Variants in IGFBP2 observed in about 807,000 individuals in gnomAD.
IGFBP2 encodes insulin like growth factor binding protein 2, also known as insulin-like growth factor-binding protein 2.
A neutral mutation model predicts 26.2 loss-of-function variants in IGFBP2; 12 were observed. The ratio of observed to expected loss-of-function variants is 0.46; its 90% CI spans 0.29 to 0.74. The LOEUF (loss-of-function observed/expected upper bound fraction) is 0.74. IGFBP2 is among the 30% of genes least tolerant of loss of function. The probability of loss-of-function intolerance (pLI) is 0.09; values close to 1 mark genes in which losing one functional copy is unlikely to be tolerated. For synonymous variants in IGFBP2, 189 were observed against 200.6 expected (o/e 0.94, Z 0.49); for missense variants, 328 against 441.2 (o/e 0.74, Z 2.30).
intron 3 of IGFBP2, chr2:216,663,079 T>A (rs1483123332): frequency 1.3e-5 from 2 of 152,308 alleles, no homozygotes; most frequent in Non-Finnish European, 2.9e-5. Flanking sequence ...AACAGGGCTC[T>A]GCTGATGGCT....
intron 1 of IGFBP2, chr2:216,659,648 C>T: frequency 7.8e-7 from 1 of 1,289,796 alleles, no homozygotes; most frequent in South Asian, 1.3e-5. Flanking sequence ...GTTTTCAAGG[C>T]CTCCTTCACC....
At chr2:216,645,071 A>G (rs1697684810) in intron 1 of IGFBP2, among the ~76,000 whole-genome samples, 1 of 152,220 alleles carries the variant, frequency 6.6e-6, no homozygotes. Context: ...GGAGGTGCCA[A>G]GTTGCCTCTG....
chr2:216,635,570 AT>A (rs1396129003), intron 1 of IGFBP2, among the ~76,000 whole-genome samples: 1 of 151,478 alleles, frequency 6.6e-6, no homozygotes, highest in Non-Finnish European at 1.5e-5. Context: ...GACTGTTTTA[AT>A]AAAGTGTGTG....
intron 2 of IGFBP2, 120 bp from the exon 3 acceptor site, chr2:216,661,738 T>A: frequency 8.6e-7 from 1 of 1,164,740 alleles, no homozygotes; most frequent in Non-Finnish European, 1.2e-6. Context: ...CCCTGCTGGC[T>A]GTGTGACCAT....
In IGFBP2 at chr2:216,664,071, G is replaced by C; in HGVS notation, c.945G>C (p.Glu315Asp). ...ATCTCTTCTACAATGAGCAGCAGGAGGCTCGCGGGGTGCACACCCAGCGGA... is the reference window on the plus strand; with the variant it reads ...ATCTCTTCTACAATGAGCAGCAGGACGCTCGCGGGGTGCACACCCAGCGGA... ...ECHLFYNEQQEARGVHTQRMQ is the reference protein window; with the variant it reads ...ECHLFYNEQQDARGVHTQRMQ The change falls in exon 4 of 4, where the codon GAG becomes GAC. Residue 315 changes from glutamate to aspartate, a missense_variant. By Grantham distance (45) the Glu-to-Asp change is conservative. Coordinates refer to ENST00000233809, the MANE Select transcript of IGFBP2 (RefSeq NM_000597.3). This position sits in a 1 kb window ranked among gnomAD's most constrained non-coding sequence, Gnocchi z 4.6. 6.2e-7 allele frequency: 1 copy of C among 1,612,706 alleles called. No homozygotes were observed. Among genetic ancestry groups the C allele is most frequent in the Non-Finnish European group, 8.5e-7 (1 of 1,179,680 alleles).
At chr2:216,651,745 T>C (rs909841024) in intron 1 of IGFBP2, among the ~76,000 whole-genome samples, 3 of 152,210 alleles carry the variant, frequency 2.0e-5, no homozygotes, top group Admixed American at 1.3e-4. Context: ...ATTCAAGAAA[T>C]TGATTGTTCA....
chr2:216,642,527 C>T (rs554070392), intron 1 of IGFBP2, among the ~76,000 whole-genome samples: 11 of 151,966 alleles, frequency 7.2e-5, no homozygotes, highest in African/African-American at 2.2e-4. Flanking sequence ...AGGATGGTCT[C>T]GATCTCCTGA....
At position 216,660,661 on chromosome 2, in the gene IGFBP2, T is replaced by A. The variant is rs1325395784; in HGVS notation, c.547T>A (p.Ser183Thr). 1 of 1,613,868 alleles carries A rather than the reference T, an allele frequency of 6.2e-7. No individual in the cohort carries two copies. Among genetic ancestry groups the A allele is most frequent in the Admixed American group, 1.7e-5 (1 of 60,004 alleles). Residue 183 changes from serine (S) to threonine (T), a missense_variant, in exon 2 of 4, where the codon TCG becomes ACG. Transcript: ENST00000233809. ...CAGTGCTGGCCGGAAGCCCCTCAAG[T>A]CGGGTATGAAGGAGCTGGCCGTGTT... ...GGSAGRKPLK[S>T]GMKELAVFRE...
chr2:216,655,195 C>T (rs1486026668), intron 1 of IGFBP2, among the ~76,000 whole-genome samples: 1 of 152,146 alleles, frequency 6.6e-6, no homozygotes, highest in African/African-American at 2.4e-5. Flanking sequence ...CACAGGTGTG[C>T]ATCACCATGC....
Position 216,633,764 on chromosome 2 carries a change from G to A in IGFBP2, c.241G>A (p.Glu81Lys). ...ARMPCAELVR[E>K]PGCGCCSVCA... The stretch of plus-strand genomic sequence containing the variant: ...CATGCCATGCGCGGAGCTCGTCCGG[G>A]AGCCGGGCTGCGGCTGCTGCTCGGT... The change falls in exon 1 of 4, where the codon GAG becomes AAG. Residue 81 changes from glutamate to lysine, a missense_variant. Physicochemically the swap from Glu to Lys is moderately conservative, Grantham distance 56. Transcript: ENST00000233809. 1 of 1,355,526 alleles carries A rather than the reference G, an allele frequency of 7.4e-7. No individual in the cohort carries two copies. Among genetic ancestry groups the A allele is most frequent in the East Asian group, 3.1e-5 (1 of 32,540 alleles). The allele number at this position is 1,355,526 out of a possible 1,614,324, so 84.0% of individuals were successfully genotyped here.
chr2:216,661,862 C>T lies in IGFBP2; in HGVS notation c.677C>T (p.Pro226Leu), dbSNP rs757017276. The T allele has an allele frequency of 4.3e-6, 7 of 1,614,160 alleles. No homozygotes were observed. In the Middle Eastern group the frequency reaches 6.6e-4, roughly 152 times the overall value. ...CCCTGCTGTCTGTGCGTGCAGACTCCCTGCCAACAGGAACTGGACCAGGTC... is the reference window on the plus strand; with the variant it reads ...CCCTGCTGTCTGTGCGTGCAGACTCTCTGCCAACAGGAACTGGACCAGGTC... Reference protein sequence around the residue: ...KKLRPPPARTPCQQELDQVLE... With the variant: ...KKLRPPPARTLCQQELDQVLE... Residue 226 changes from proline to leucine, a missense_variant, in exon 3 of 4, where the codon CCC (proline) becomes CTC (leucine). Coordinates refer to ENST00000233809, the MANE Select transcript of IGFBP2 (RefSeq NM_000597.3).
At chr2:216,634,000 T>G (rs1697441587) in intron 1 of IGFBP2, 35 bp downstream of exon 1, 1 of 1,555,582 alleles carries the variant, frequency 6.4e-7, no homozygotes, top group African/African-American at 1.4e-5. Flanking sequence ...TGGGAGAAAC[T>G]TGGAGGGCAG....
chr2:216,644,883 C>G (rs1697680701), intron 1 of IGFBP2, among the ~76,000 whole-genome samples: 4 of 152,234 alleles, frequency 2.6e-5, no homozygotes, highest in African/African-American at 4.8e-5. Context: ...TCTCTAGATT[C>G]TTCCAGCTCT....
At position 216,664,065 on chromosome 2, in the gene IGFBP2, G is replaced by T. The variant is rs1298858288; in HGVS notation, c.939G>T (p.Gln313His). ...DPECHLFYNE[Q>H]QEARGVHTQR... ...AGTGTCATCTCTTCTACAATGAGCAGCAGGAGGCTCGCGGGGTGCACACCC... is the reference window on the plus strand; with the variant it reads ...AGTGTCATCTCTTCTACAATGAGCATCAGGAGGCTCGCGGGGTGCACACCC... The change falls in exon 4 of 4, where the codon CAG (glutamine) becomes CAT (histidine). Residue 313 changes from glutamine (Q) to histidine (H), a missense_variant. Transcript: ENST00000233809. The surrounding 1 kb of genome is among the most constrained non-coding windows in gnomAD (Gnocchi z 4.6). The T allele has an allele frequency of 3.1e-6, 5 of 1,613,386 alleles. No homozygotes were observed. Among genetic ancestry groups the T allele is most frequent in the Non-Finnish European group, 4.2e-6 (5 of 1,179,852 alleles).
intron 1 of IGFBP2, among the ~76,000 whole-genome samples, chr2:216,650,648 T>C (rs1697801199): frequency 6.6e-6 from 1 of 152,156 alleles, no homozygotes. Flanking sequence ...TGGCCTGTGG[T>C]AGCTGCAGGT....
intron 1 of IGFBP2, among the ~76,000 whole-genome samples, chr2:216,653,766 T>C (rs1443248881): frequency 6.6e-6 from 1 of 152,236 alleles, no homozygotes; most frequent in Admixed American, 6.5e-5. Context: ...TGGGGTTGTC[T>C]GTCATCTCCC....
intron 1 of IGFBP2, among the ~76,000 whole-genome samples, chr2:216,638,730 C>T (rs891014996): frequency 2.6e-5 from 4 of 151,098 alleles, no homozygotes; most frequent in Non-Finnish European, 4.4e-5. Context: ...GACGGAGACT[C>T]GCTCTCTTGC....
At chr2:216,658,598 G>A (rs1574566589) in intron 1 of IGFBP2, among the ~76,000 whole-genome samples, 1 of 152,056 alleles carries the variant, frequency 6.6e-6, no homozygotes. Flanking sequence ...CGCCCAGGCT[G>A]GAGTACAATG....
chr2:216,653,602 C>T (rs886220510), intron 1 of IGFBP2, among the ~76,000 whole-genome samples: 1 of 152,220 alleles, frequency 6.6e-6, no homozygotes, highest in African/African-American at 2.4e-5. Context: ...GGTTTGCCAT[C>T]TGTAAAATGG....
Sources: allele counts gnomAD v4.1 joint callset (sites outside exome capture counted in the v4.1 genomes callset), GRCh38; gene constraint gnomAD v4.1.1; non-coding constraint Gnocchi (gnomAD v3.1); transcripts MANE v1.5; gene names NCBI Gene and HGNC (gene_info 2026-07-23, HGNC 2026-07-21).